Variants in GMDS observed in about 807,000 individuals in gnomAD.
GMDS encodes the protein GDP-mannose 4,6 dehydratase.
A neutral mutation model predicts 49.9 loss-of-function variants in GMDS; 20 were observed. That is an observed-to-expected ratio of 0.40 (90% CI 0.28 to 0.58). GMDS has a LOEUF of 0.58. GMDS is among the 20% of genes least tolerant of loss of function. The probability of loss-of-function intolerance (pLI) is 0.42; values close to 1 mark genes in which losing one functional copy is unlikely to be tolerated. For synonymous variants in GMDS, 177 were observed against 178.6 expected (o/e 0.99, Z 0.07); for missense variants, 362 against 481.4 (o/e 0.75, Z 2.32).
At chr6:1,968,546 C>T (rs988673199) in intron 4 of GMDS, among the ~76,000 whole-genome samples, 2 of 152,144 alleles carry the variant, frequency 1.3e-5, no homozygotes, top group African/African-American at 4.8e-5. Context: ...TGTTCCAATT[C>T]CTCGCCTTGG....
chr6:2,006,266 T>TA (rs11353369), intron 4 of GMDS, among the ~76,000 whole-genome samples: 30,541 of 147,460 alleles, frequency 0.21, 3,378 homozygotes, highest in Non-Finnish European at 0.24. Context: ...TGCAAACAAT[T>TA]AAAAAAAAAA....
chr6:2,036,412 A>G (rs1479488066), intron 4 of GMDS, among the ~76,000 whole-genome samples: 1 of 150,690 alleles, frequency 6.6e-6, no homozygotes, highest in East Asian at 1.9e-4. Flanking sequence ...TGCTAACTGG[A>G]AAAAAAAAAT....
chr6:1,773,194 CTTTTTT>C (rs535227437), intron 7 of GMDS, among the ~76,000 whole-genome samples: 1 of 143,460 alleles, frequency 7.0e-6, no homozygotes, highest in Non-Finnish European at 1.5e-5. Context: ...AGAGGGTCCT[CTTTTTT>C]TTTTTTTTTT....
chr6:1,839,545 AC>A (rs1262925333), intron 7 of GMDS, among the ~76,000 whole-genome samples: 3 of 152,118 alleles, frequency 2.0e-5, no homozygotes, highest in Non-Finnish European at 4.4e-5. Flanking sequence ...TTAACCCCTG[AC>A]CCTTAAATAT....
intron 7 of GMDS, among the ~76,000 whole-genome samples, chr6:1,753,460 A>G (rs891368945): frequency 3.3e-5 from 5 of 152,206 alleles, no homozygotes; most frequent in African/African-American, 1.2e-4. Context: ...TTAACACCCC[A>G]CTGTCAATAT....
chr6:1,644,930 C>CTTT, intron 9 of GMDS, among the ~76,000 whole-genome samples: 1 of 136,250 alleles, frequency 7.3e-6, no homozygotes, highest in East Asian at 2.1e-4. Context: ...GACTCTGGTC[C>CTTT]TTTTTTTTTT....
At chr6:2,185,625 G>GT (rs1410638517) in intron 1 of GMDS, among the ~76,000 whole-genome samples, 1 of 152,096 alleles carries the variant, frequency 6.6e-6, no homozygotes, top group African/African-American at 2.4e-5. Flanking sequence ...ATTCCACCCT[G>GT]TGTGCAAGTT....
At chr6:2,160,087 A>G (rs1581729436) in intron 1 of GMDS, among the ~76,000 whole-genome samples, 1 of 152,364 alleles carries the variant, frequency 6.6e-6, no homozygotes, top group East Asian at 1.9e-4. Flanking sequence ...TGAACAATTT[A>G]AGCCTAAATA....
intron 7 of GMDS, among the ~76,000 whole-genome samples, chr6:1,845,258 G>A (rs1202325267): frequency 1.3e-5 from 2 of 152,184 alleles, no homozygotes; most frequent in South Asian, 2.1e-4. Flanking sequence ...GTCACAGACT[G>A]AGTTAATGGC....
intron 9 of GMDS, among the ~76,000 whole-genome samples, chr6:1,658,781 C>A (rs1180621293): frequency 6.6e-6 from 1 of 152,262 alleles, no homozygotes; most frequent in Non-Finnish European, 1.5e-5. Flanking sequence ...GGAAGGCCAA[C>A]ATTCTGACTA....
rs540285841 is a variant in GMDS, at chr6:1,640,471, T to C, written c.988-15931A>G. Reference sequence around the variant, plus strand: ...CCTGCCTCAGGTCCCTCTTTAAGTGTTGGCCACTCCCCAGCCTTGAACCTC... The same window carrying C: ...CCTGCCTCAGGTCCCTCTTTAAGTGCTGGCCACTCCCCAGCCTTGAACCTC... On this transcript the variant is annotated intron_variant, in intron 9 of 10. Transcript: ENST00000380815. The surrounding 1 kb of genome is among the most constrained non-coding windows in gnomAD (Gnocchi z 4.0). Among the ~76,000 whole-genome samples the C allele has an allele frequency of 7.6e-4, 116 of 152,300 alleles. 1 individual carries two copies. Among genetic ancestry groups the C allele is most frequent in the African/African-American group, 2.7e-3 (112 of 41,564 alleles).
At chr6:1,823,145 A>G (rs1770965424) in intron 7 of GMDS, among the ~76,000 whole-genome samples, 1 of 152,238 alleles carries the variant, frequency 6.6e-6, no homozygotes, top group Non-Finnish European at 1.5e-5. Context: ...CATTTGTAAA[A>G]TGAAACTTAT....
chr6:1,801,101 A>G (rs1769931321), intron 7 of GMDS, among the ~76,000 whole-genome samples: 2 of 152,188 alleles, frequency 1.3e-5, no homozygotes, highest in African/African-American at 2.4e-5. Flanking sequence ...AGCCCGGACC[A>G]TGAGGACCTG....
At chr6:2,059,175 CAAAAAAAAAAAAAAAAA>C (rs55832305) in intron 4 of GMDS, among the ~76,000 whole-genome samples, 572 of 30,090 alleles carry the variant, frequency 0.019, 23 homozygotes, top group African/African-American at 0.07. Flanking sequence ...TCCTCTGTCT[CAAAAAAAAAAAAAAAAA>C]AAAAAAAAAA....
At chr6:1,830,763 T>A (rs1756593115) in intron 7 of GMDS, among the ~76,000 whole-genome samples, 2 of 152,206 alleles carry the variant, frequency 1.3e-5, no homozygotes, top group South Asian at 4.1e-4. Flanking sequence ...GAAATTTATA[T>A]AAAATTGAAT....
At position 1,913,590 on chromosome 6, in the gene GMDS, T is replaced by C. The variant is rs554316611; in HGVS notation, c.771+16513A>G. Among the ~76,000 whole-genome samples the C allele has an allele frequency of 3.9e-5, 6 of 152,308 alleles. No homozygotes were observed. In the East Asian group the frequency reaches 1.2e-3, roughly 29 times the overall value. Reference sequence around the variant, plus strand: ...ATTCCAGTCACAGGGAAAAAAAGGCTATGTCAAAAATGACAATAATATGCA... The same window carrying C: ...ATTCCAGTCACAGGGAAAAAAAGGCCATGTCAAAAATGACAATAATATGCA... On this transcript the variant is annotated intron_variant, in intron 7 of 10. Transcript: ENST00000380815.
At chr6:2,182,361 C>A (rs75552943) in intron 1 of GMDS, among the ~76,000 whole-genome samples, 2,736 of 152,304 alleles carry the variant, frequency 0.018, 94 homozygotes, top group African/African-American at 0.06. Flanking sequence ...ATCTAGCCAA[C>A]ATAATTAGTG....
chr6:2,208,854 T>TAAAAAAA (rs34346221), intron 1 of GMDS, among the ~76,000 whole-genome samples: 1 of 142,412 alleles, frequency 7.0e-6, no homozygotes, highest in Non-Finnish European at 1.5e-5. Context: ...TGGGCTACAT[T>TAAAAAAA]AAAAAAAAAA....
chr6:2,117,346 T>A, intron 3 of GMDS, 123 bp downstream of exon 3: 1 of 682,688 alleles, frequency 1.5e-6, no homozygotes, highest in Non-Finnish European at 2.7e-6. Flanking sequence ...CAGTAATTCA[T>A]GGGTAAGTAA....
Sources: allele counts gnomAD v4.1 joint callset (sites outside exome capture counted in the v4.1 genomes callset), GRCh38; gene constraint gnomAD v4.1.1; non-coding constraint Gnocchi (gnomAD v3.1); transcripts MANE v1.5; gene names NCBI Gene and HGNC (gene_info 2026-07-23, HGNC 2026-07-21).